PLCG2: variants seen among roughly 807,000 people sequenced by gnomAD.
PLCG2 encodes 1-phosphatidylinositol 4,5-bisphosphate phosphodiesterase gamma-2.
PLCG2 carries 69 observed loss-of-function variants against 175.6 expected under a neutral mutation model. The observed-to-expected ratio is 0.39, with a 90% CI of 0.32 to 0.48. The LOEUF (loss-of-function observed/expected upper bound fraction) is 0.48. PLCG2 is among the 20% of genes least tolerant of loss of function. The pLI, the probability that PLCG2 is intolerant of heterozygous loss-of-function variation, is 0.91. For missense variants in PLCG2, 1,798 were observed against 1,650.9 expected, an observed-to-expected ratio of 1.09 and a Z score of -1.54; for synonymous variants, 827 against 624.0, an observed-to-expected ratio of 1.33 and a Z score of -4.85.
At chr16:81,753,516 T>A (rs1460056515) in intron 1 of PLCG2, among the ~76,000 whole-genome samples, 2 of 151,946 alleles carry the variant, frequency 1.3e-5, no homozygotes, top group Non-Finnish European at 2.9e-5. Flanking sequence ...CCTCCCAGGT[T>A]CAAGCGATTC....
At chr16:81,935,584 G>A (rs1405794667) in intron 26 of PLCG2, 1 of 985,136 alleles carries the variant, frequency 1.0e-6, no homozygotes, top group Non-Finnish European at 1.2e-6. Flanking sequence ...TAACTTACCG[G>A]GAGGCCAGTC....
At chr16:81,868,699 T>C (rs1457506222) in intron 5 of PLCG2, among the ~76,000 whole-genome samples, 1 of 152,242 alleles carries the variant, frequency 6.6e-6, no homozygotes, top group Non-Finnish European at 1.5e-5. Flanking sequence ...TCAACACCTA[T>C]ATTGGGCCTT....
At chr16:81,854,944 T>C (rs1021233063) in intron 3 of PLCG2, among the ~76,000 whole-genome samples, 9 of 152,122 alleles carry the variant, frequency 5.9e-5, no homozygotes, top group African/African-American at 1.9e-4. Context: ...TACGCTGGGC[T>C]CATCCCTGTA....
rs1910140433 is a variant in PLCG2 at position 81,923,525 on chromosome 16, A to G, written c.2348A>G (p.Lys783Arg). The G allele has an allele frequency of 6.2e-7, 1 of 1,613,736 alleles. No homozygotes were observed. Among genetic ancestry groups the G allele is most frequent in the African/African-American group, 1.3e-5 (1 of 74,918 alleles). The change falls in exon 22 of 33, where the codon AAG becomes AGG. Residue 783 changes from lysine to arginine, a missense_variant. Coordinates refer to ENST00000564138, the MANE Select transcript of PLCG2 (RefSeq NM_002661.5). The stretch of plus-strand genomic sequence containing the variant: ...AAAGCTCTGTATGACTACAAAGCCA[A>G]GCGAAGCGATGAGCTGAGCTTCTGC... ...TVKALYDYKA[K>R]RSDELSFCRG...
intron 2 of PLCG2, among the ~76,000 whole-genome samples, chr16:81,815,456 G>A (rs1904502151): frequency 6.6e-6 from 1 of 152,222 alleles, no homozygotes; most frequent in African/African-American, 2.4e-5. Flanking sequence ...GGGGCTGAGA[G>A]ACCACCCCCT....
At chr16:81,854,172 A>G (rs1478183443) in intron 2 of PLCG2, among the ~76,000 whole-genome samples, 39 of 152,152 alleles carry the variant, frequency 2.6e-4, no homozygotes, top group Non-Finnish European at 4.4e-5. Context: ...GTCCTAGTTT[A>G]AAATGTGTCT....
chr16:81,877,216 A>G (rs1006386307), intron 7 of PLCG2, among the ~76,000 whole-genome samples: 1 of 152,218 alleles, frequency 6.6e-6, no homozygotes, highest in African/African-American at 2.4e-5. Context: ...GCACTTTGGG[A>G]GGCCAAGGCG....
At position 81,786,115 on chromosome 16, in the gene PLCG2, C is replaced by G. The variant is rs753972799; in HGVS notation, c.126C>G (p.Thr42=). The G allele has an allele frequency of 1.2e-6, 2 of 1,614,174 alleles. No individual in the cohort carries two copies. The highest frequency in any genetic ancestry group is 1.7e-6 in the Non-Finnish European group (2 of 1,180,034). The change falls in exon 2 of 33, where the codon ACC becomes ACG. Residue 42 remains threonine (T), a synonymous_variant. Transcript: ENST00000564138. ...GCAAGTCCACCCCCGAGCGGAGAACCGTCCAGGTGATCATGGAGACGCGGC... is the reference window on the plus strand; with the variant it reads ...GCAAGTCCACCCCCGAGCGGAGAACGGTCCAGGTGATCATGGAGACGCGGC... ...SFRKSTPERR[T]VQVIMETRQV... is the part of the protein sequence containing the mutation.
chr16:81,946,719 G>C (rs1911164523), intron 31 of PLCG2, among the ~76,000 whole-genome samples: 1 of 152,148 alleles, frequency 6.6e-6, no homozygotes, highest in Non-Finnish European at 1.5e-5. Flanking sequence ...TTACAAATAA[G>C]GCGATCATGC....
intron 13 of PLCG2, among the ~76,000 whole-genome samples, chr16:81,897,275 G>T (rs1908935106): frequency 6.6e-6 from 1 of 152,190 alleles, no homozygotes; most frequent in Non-Finnish European, 1.5e-5. Context: ...TACTTTCTGG[G>T]GTAGAATAGC....
chr16:81,870,844 A>G lies in PLCG2; in HGVS notation c.565-8A>G, dbSNP rs781577904. Reference sequence around the variant, plus strand: ...AAAATCATGTGGTCACTTTTTTCATATTTACAGGAAATAGGAGCACACAAA... The same window carrying G: ...AAAATCATGTGGTCACTTTTTTCATGTTTACAGGAAATAGGAGCACACAAA... On this transcript the variant is annotated splice_region_variant and splice_polypyrimidine_tract_variant and intron_variant, in intron 6 of 32. Transcript: ENST00000564138. The G allele has an allele frequency of 6.5e-7, 1 of 1,539,940 alleles. No individual in the cohort carries two copies. Among genetic ancestry groups the G allele is most frequent in the East Asian group, 2.3e-5 (1 of 43,832 alleles).
intron 7 of PLCG2, among the ~76,000 whole-genome samples, chr16:81,878,212 C>T (rs1172430490): frequency 2.0e-5 from 3 of 151,832 alleles, no homozygotes; most frequent in Non-Finnish European, 4.4e-5. Context: ...TCTCCATCTC[C>T]TGACCTAGTG....
intron 2 of PLCG2, among the ~76,000 whole-genome samples, chr16:81,788,097 C>G (rs1049437788): frequency 6.6e-6 from 1 of 152,098 alleles, no homozygotes; most frequent in Non-Finnish European, 1.5e-5. Flanking sequence ...AGTGGAATTG[C>G]TGGGTCATAC....
intron 1 of PLCG2, among the ~76,000 whole-genome samples, chr16:81,742,586 C>T (rs1909619054): frequency 6.6e-6 from 1 of 152,208 alleles, no homozygotes; most frequent in South Asian, 2.1e-4. Flanking sequence ...ACAGTGGTTT[C>T]AGGAGCGCTT....
chr16:81,851,489 C>G lies in PLCG2; in HGVS notation c.194-2955C>G, dbSNP rs111750011. On this transcript the variant is annotated intron_variant, in intron 2 of 32. Transcript: ENST00000564138. ...ATGTAGATGACGTGCTGTTTTTTTA[C>G]TCTTTTCACATGGCCTTTTTGTTGT... Among the ~76,000 whole-genome samples the G allele has an allele frequency of 4.3e-4, 65 of 151,978 alleles. 2 individuals carry two copies. Among genetic ancestry groups the G allele is most frequent in the African/African-American group, 1.5e-3 (63 of 41,466 alleles).
chr16:81,896,564 C>A (rs772155573), intron 13 of PLCG2, among the ~76,000 whole-genome samples: 27 of 151,922 alleles, frequency 1.8e-4, no homozygotes, highest in Non-Finnish European at 3.2e-4. Context: ...GGCAACAGAG[C>A]GAGACCCTGT....
At chr16:81,813,048 A>T (rs1278833634) in intron 2 of PLCG2, among the ~76,000 whole-genome samples, 5 of 152,106 alleles carry the variant, frequency 3.3e-5, no homozygotes. Flanking sequence ...CTATTTTGGT[A>T]CCAGTACCAT....
intron 2 of PLCG2, among the ~76,000 whole-genome samples, chr16:81,819,414 G>A (rs1904697201): frequency 1.3e-5 from 2 of 152,142 alleles, no homozygotes; most frequent in African/African-American, 2.4e-5. Context: ...TGTGCAGCCA[G>A]GCTTGGAGAA....
intron 27 of PLCG2, 86 bp downstream of exon 27, chr16:81,936,464 A>C: frequency 1.9e-6 from 2 of 1,030,262 alleles, no homozygotes; most frequent in Non-Finnish European, 3.0e-6. Context: ...CAGCGATACC[A>C]TGTGGTGTCC....
Sources: allele counts gnomAD v4.1 joint callset (sites outside exome capture counted in the v4.1 genomes callset), GRCh38; gene constraint gnomAD v4.1.1; transcripts MANE v1.5; gene names NCBI Gene and HGNC (gene_info 2026-07-23, HGNC 2026-07-21).